ROBO2: variants seen among roughly 807,000 people sequenced by gnomAD.
ROBO2 encodes the protein roundabout homolog 2.
ROBO2 carries 53 observed loss-of-function variants against 160.8 expected under a neutral mutation model. The observed-to-expected ratio is 0.33, with a 90% confidence interval of 0.26 to 0.41. The LOEUF (loss-of-function observed/expected upper bound fraction) is 0.41, where lower values mean the gene tolerates loss of function less well. Ranked by LOEUF, ROBO2 falls within the 10% of genes least tolerant of loss-of-function variation. The pLI, the probability that ROBO2 is intolerant of heterozygous loss-of-function variation, is 1.00. For missense variants in ROBO2, 1,577 were observed against 1,722.4 expected, an observed-to-expected ratio of 0.92 and a Z score of 1.49; for synonymous variants, 664 against 611.7, an observed-to-expected ratio of 1.09 and a Z score of -1.26.
intron 2 of ROBO2, among the ~76,000 whole-genome samples, chr3:76,587,383 A>G (rs1051480084): frequency 6.6e-6 from 1 of 152,136 alleles, no homozygotes; most frequent in African/African-American, 2.4e-5. Context: ...GGTAACTTAT[A>G]AAGAAAAGGG....
chr3:77,334,720 C>T (rs940500192), intron 2 of ROBO2, among the ~76,000 whole-genome samples: 1 of 143,846 alleles, frequency 7.0e-6, no homozygotes, highest in Middle Eastern at 3.7e-3. Context: ...AAAACACAAG[C>T]TCTTTTTCAG....
intron 2 of ROBO2, among the ~76,000 whole-genome samples, chr3:77,028,587 G>A (rs1033205234): frequency 3.8e-4 from 58 of 152,254 alleles, no homozygotes; most frequent in African/African-American, 1.3e-3. Context: ...GGGCATGGTG[G>A]TGTGTGCCTG....
At position 77,568,301 on chromosome 3, in the gene ROBO2, C is replaced by T; in HGVS notation, c.1850-12C>T. ...TTTTAAAGGTGGGAATGATTCTCTT[C>T]TCTAACTGCAGATATCAGCCCACCA... On this transcript the variant is annotated splice_polypyrimidine_tract_variant and intron_variant, in intron 12 of 25. Transcript: ENST00000461745. 6.2e-7 allele frequency: 1 copy of T among 1,612,344 alleles called. No homozygotes were observed. Among genetic ancestry groups the T allele is most frequent in the South Asian group, 1.1e-5 (1 of 91,054 alleles).
intron 2 of ROBO2, among the ~76,000 whole-genome samples, chr3:76,709,515 C>T (rs1576146567): frequency 6.6e-6 from 1 of 152,154 alleles, no homozygotes; most frequent in African/African-American, 2.4e-5. Flanking sequence ...TGTCACATAT[C>T]AACACATACC....
At chr3:76,977,599 T>A (rs946140414) in intron 2 of ROBO2, among the ~76,000 whole-genome samples, 5 of 152,310 alleles carry the variant, frequency 3.3e-5, no homozygotes, top group Admixed American at 6.5e-5. Context: ...TTTGGTTCAC[T>A]GCAGAAGTCA....
chr3:77,613,674 T>C (rs2094701682), intron 21 of ROBO2, among the ~76,000 whole-genome samples: 1 of 152,140 alleles, frequency 6.6e-6, no homozygotes, highest in Admixed American at 6.5e-5. Flanking sequence ...AATCAATACA[T>C]ACGCGTATGA....
chr3:76,614,573 C>T (rs1400441093), intron 2 of ROBO2, among the ~76,000 whole-genome samples: 1 of 151,954 alleles, frequency 6.6e-6, no homozygotes, highest in Non-Finnish European at 1.5e-5. Flanking sequence ...TCTTTCTGCA[C>T]TGGAAGTTAG....
At chr3:76,499,909 A>G (rs2080367459) in intron 2 of ROBO2, among the ~76,000 whole-genome samples, 1 of 151,980 alleles carries the variant, frequency 6.6e-6, no homozygotes, top group African/African-American at 2.4e-5. Flanking sequence ...CTGATATACA[A>G]ATAAGTAGGG....
At chr3:77,247,672 T>C (rs1485959073) in intron 2 of ROBO2, among the ~76,000 whole-genome samples, 1 of 152,168 alleles carries the variant, frequency 6.6e-6, no homozygotes, top group Non-Finnish European at 1.5e-5. Context: ...GGCACTAGAT[T>C]GACAATTTTG....
At chr3:76,648,530 A>T (rs990361161) in intron 2 of ROBO2, among the ~76,000 whole-genome samples, 1 of 152,170 alleles carries the variant, frequency 6.6e-6, no homozygotes, top group African/African-American at 2.4e-5. Flanking sequence ...TAATAGCATT[A>T]TATCAATTCT....
intron 2 of ROBO2, among the ~76,000 whole-genome samples, chr3:76,851,383 G>A (rs2069330215): frequency 6.6e-6 from 1 of 152,172 alleles, no homozygotes; most frequent in African/African-American, 2.4e-5. Context: ...TCTGGATGAT[G>A]TTAAATACTA....
At chr3:76,898,325 G>A (rs1401110720) in intron 2 of ROBO2, among the ~76,000 whole-genome samples, 2 of 151,920 alleles carry the variant, frequency 1.3e-5, no homozygotes, top group African/African-American at 2.4e-5. Flanking sequence ...CCAAAATTAA[G>A]ATAAACAGTG....
intron 2 of ROBO2, among the ~76,000 whole-genome samples, chr3:76,566,252 T>A (rs2108537716): frequency 6.6e-6 from 1 of 152,338 alleles, no homozygotes; most frequent in Non-Finnish European, 1.5e-5. Context: ...AAGGAGTACC[T>A]GTTATTTGCT....
chr3:76,787,119 C>G (rs1184209250), intron 2 of ROBO2, among the ~76,000 whole-genome samples: 1 of 151,172 alleles, frequency 6.6e-6, no homozygotes, highest in East Asian at 2.0e-4. Flanking sequence ...GAAGTCCGCT[C>G]TCATGATCCA....
At chr3:76,842,690 A>G (rs2148480387) in intron 2 of ROBO2, among the ~76,000 whole-genome samples, 1 of 152,320 alleles carries the variant, frequency 6.6e-6, no homozygotes, top group South Asian at 2.1e-4. Flanking sequence ...TTAAATCATG[A>G]AACGTGGTTT....
intron 1 of ROBO2, among the ~76,000 whole-genome samples, chr3:77,067,382 G>A (rs945567595): frequency 1.3e-5 from 2 of 152,004 alleles, no homozygotes; most frequent in African/African-American, 2.4e-5. Flanking sequence ...TTTTATTAAC[G>A]TCTTTATTTA....
At chr3:77,319,845 GT>G (rs2153430278) in intron 2 of ROBO2, among the ~76,000 whole-genome samples, 1 of 152,228 alleles carries the variant, frequency 6.6e-6, no homozygotes, top group African/African-American at 2.4e-5. Flanking sequence ...TGTTGAGAAA[GT>G]TGCTTATGCT....
intron 2 of ROBO2, among the ~76,000 whole-genome samples, chr3:75,982,264 T>C (rs540818222): frequency 2.8e-4 from 43 of 151,702 alleles, no homozygotes; most frequent in Admixed American, 7.3e-4. Context: ...TTTACTCATT[T>C]TTTTTTTCTC....
At chr3:76,659,796 G>T (rs918416649) in intron 2 of ROBO2, among the ~76,000 whole-genome samples, 2 of 152,300 alleles carry the variant, frequency 1.3e-5, no homozygotes, top group African/African-American at 4.8e-5. Context: ...ACCACTGAGG[G>T]TTATTCCACA....
Sources: allele counts gnomAD v4.1 joint callset (sites outside exome capture counted in the v4.1 genomes callset), GRCh38; gene constraint gnomAD v4.1.1; transcripts MANE v1.5; gene names NCBI Gene and HGNC (gene_info 2026-07-23, HGNC 2026-07-21).